MBOAT2: variants seen among roughly 807,000 people sequenced by gnomAD.
MBOAT2 encodes the protein membrane-bound glycerophospholipid O-acyltransferase 2.
MBOAT2 carries 28 observed loss-of-function variants against 63.4 expected under a neutral mutation model. That is an observed-to-expected ratio of 0.44 (90% CI 0.33 to 0.61). The LOEUF is 0.61. Ranked by LOEUF, MBOAT2 falls within the 20% of genes least tolerant of loss-of-function variation. The pLI is 0.03. For synonymous variants in MBOAT2, 211 were observed against 215.6 expected (o/e 0.98, Z 0.19); for missense variants, 470 against 605.8 (o/e 0.78, Z 2.35).
At chr2:8,929,976 T>G (rs1388729794) in intron 3 of MBOAT2, among the ~76,000 whole-genome samples, 2 of 152,192 alleles carry the variant, frequency 1.3e-5, no homozygotes, top group Non-Finnish European at 2.9e-5. Context: ...AGCTTCCCTG[T>G]GTCCTCTCTC....
At chr2:8,929,874 T>A (rs1667197424) in intron 3 of MBOAT2, among the ~76,000 whole-genome samples, 1 of 152,204 alleles carries the variant, frequency 6.6e-6, no homozygotes. Context: ...TGAATAATAT[T>A]GAACACATAT....
intron 1 of MBOAT2, among the ~76,000 whole-genome samples, chr2:8,967,364 CA>C (rs1038669356): frequency 1.3e-5 from 2 of 152,098 alleles, no homozygotes; most frequent in African/African-American, 2.4e-5. Flanking sequence ...TAAATAGACA[CA>C]AAAAATATGT....
At chr2:8,874,339 T>TAAGGCTACTCTTTC (rs1450097122) in intron 7 of MBOAT2, among the ~76,000 whole-genome samples, 2 of 152,182 alleles carry the variant, frequency 1.3e-5, no homozygotes, top group Non-Finnish European at 2.9e-5. Context: ...TTTAATAAAA[T>TAAGGCTACTCTTTC]AAGGCTACTC....
At chr2:8,999,277 C>G (rs1452144470) in intron 1 of MBOAT2, among the ~76,000 whole-genome samples, 1 of 152,144 alleles carries the variant, frequency 6.6e-6, no homozygotes. Context: ...TCCTGGATAT[C>G]ACATCACTAG....
At chr2:8,860,085 G>A (rs979083483) in intron 12 of MBOAT2, among the ~76,000 whole-genome samples, 1 of 152,096 alleles carries the variant, frequency 6.6e-6, no homozygotes, top group Non-Finnish European at 1.5e-5. Context: ...CTACTTGGGA[G>A]GCTGAGGCAG....
intron 3 of MBOAT2, among the ~76,000 whole-genome samples, chr2:8,937,368 T>A (rs1051565639): frequency 1.1e-4 from 17 of 152,132 alleles, no homozygotes; most frequent in African/African-American, 3.6e-4. Context: ...GAGCATACAA[T>A]CTCTTAGGTA....
intron 5 of MBOAT2, among the ~76,000 whole-genome samples, chr2:8,884,918 G>T (rs1425845891): frequency 6.6e-6 from 1 of 152,172 alleles, no homozygotes; most frequent in South Asian, 2.1e-4. Flanking sequence ...TTTAAAGCTA[G>T]AAGTCTAACC....
At chr2:8,884,220 A>AAG (rs1663371145) in intron 5 of MBOAT2, among the ~76,000 whole-genome samples, 1 of 149,246 alleles carries the variant, frequency 6.7e-6, no homozygotes, top group East Asian at 1.9e-4. Flanking sequence ...AAAAAAAAAA[A>AAG]GTCTGGCTCT....
At chr2:8,953,409 T>C (rs2103263706) in intron 2 of MBOAT2, among the ~76,000 whole-genome samples, 1 of 152,358 alleles carries the variant, frequency 6.6e-6, no homozygotes, top group Non-Finnish European at 1.5e-5. Context: ...CTGGTGACTA[T>C]ATGCCTTGCT....
intron 3 of MBOAT2, among the ~76,000 whole-genome samples, chr2:8,932,921 CACA>C (rs1425839427): frequency 2.6e-5 from 4 of 152,186 alleles, no homozygotes; most frequent in Non-Finnish European, 5.9e-5. Context: ...CACACCACAT[CACA>C]GGTAGAGTTC....
chr2:8,936,822 GAAAA>G (rs758329603), intron 3 of MBOAT2, among the ~76,000 whole-genome samples: 2,732 of 139,376 alleles, frequency 0.02, 29 homozygotes, highest in Middle Eastern at 0.033. Flanking sequence ...AAAAAGAAAA[GAAAA>G]AAAAAGAAAG....
At chr2:8,997,905 A>C (rs1672419486) in intron 1 of MBOAT2, among the ~76,000 whole-genome samples, 1 of 152,212 alleles carries the variant, frequency 6.6e-6, no homozygotes, top group Non-Finnish European at 1.5e-5. Flanking sequence ...ATTAGCTGCA[A>C]TTGTCAGGGC....
chr2:8,859,049 G>A lies in MBOAT2; in HGVS notation c.1338-145C>T, dbSNP rs973662147. On this transcript the variant is annotated intron_variant, in intron 12 of 12. Coordinates refer to ENST00000305997, the MANE Select transcript of MBOAT2 (RefSeq NM_138799.4). ...ATTATTCTTTTATTTTTCCCCCTCA[G>A]GAGAAGAAACCTGACAGTGTAGGCC... is the stretch of plus-strand genomic sequence containing the variant. 18 of 664,266 alleles carry A rather than the reference G, an allele frequency of 2.7e-5. No individual in the cohort carries two copies. The African/African-American group carries it at 2.7e-4, about 10-fold the overall frequency. The allele number at this position is 664,266 out of a possible 1,614,324, so 41.1% of individuals were successfully genotyped here.
chr2:8,877,524 C>T (rs1282234148), intron 6 of MBOAT2, among the ~76,000 whole-genome samples: 2 of 152,226 alleles, frequency 1.3e-5, no homozygotes, highest in Non-Finnish European at 2.9e-5. Flanking sequence ...ATTTGCTCTT[C>T]TAACAAACAC....
chr2:8,951,702 T>C (rs1005428285), intron 2 of MBOAT2, among the ~76,000 whole-genome samples: 1 of 152,234 alleles, frequency 6.6e-6, no homozygotes, highest in African/African-American at 2.4e-5. Flanking sequence ...CTCTAGATTT[T>C]CTAGTTTGTG....
intron 3 of MBOAT2, among the ~76,000 whole-genome samples, chr2:8,938,339 C>T (rs1156600175): frequency 6.6e-6 from 1 of 151,980 alleles, no homozygotes; most frequent in Non-Finnish European, 1.5e-5. Context: ...TGTCACCCCA[C>T]CCCCACCAAG....
At chr2:8,967,814 T>TA (rs1321178209) in intron 1 of MBOAT2, among the ~76,000 whole-genome samples, 2 of 151,230 alleles carry the variant, frequency 1.3e-5, no homozygotes, top group South Asian at 2.1e-4. Flanking sequence ...TTGGAAACAA[T>TA]AAAAAAAATT....
At chr2:8,963,983 G>A (rs1228021409) in intron 1 of MBOAT2, among the ~76,000 whole-genome samples, 4 of 152,182 alleles carry the variant, frequency 2.6e-5, no homozygotes, top group African/African-American at 9.7e-5. Context: ...TTACTCCAGA[G>A]CCCATGCTAT....
chr2:8,936,221 C>T (rs763068130), intron 3 of MBOAT2, among the ~76,000 whole-genome samples: 1 of 152,102 alleles, frequency 6.6e-6, no homozygotes, highest in Non-Finnish European at 1.5e-5. Context: ...ATCAGCATAA[C>T]AAACATTTGT....
Sources: gnomAD v4.1 joint callset for allele counts (sites outside exome capture counted in the v4.1 genomes callset) on GRCh38, gnomAD v4.1.1 for gene constraint, MANE v1.5 for transcripts, NCBI Gene and HGNC (gene_info 2026-07-23, HGNC 2026-07-21) for gene names.